The following TPCN2 variants were observed in gnomAD, a reference collection of about 807,000 sequenced individuals.
TPCN2 encodes the protein two pore segment channel 2.
A neutral mutation model predicts 111.4 loss-of-function variants in TPCN2; 92 were observed. That is an observed-to-expected ratio of 0.83 (90% CI 0.70 to 0.98). The LOEUF is 0.98. Ranked by LOEUF, TPCN2 falls within the 50% of genes least tolerant of loss-of-function variation. The pLI, the probability that TPCN2 is intolerant of heterozygous loss-of-function variation, is 0.00. For synonymous variants in TPCN2, 405 were observed against 414.5 expected (o/e 0.98, Z 0.28); for missense variants, 995 against 980.1 (o/e 1.02, Z -0.20).
At chr11:69,072,486 C>T in intron 11 of TPCN2, 141 bp from the exon 12 acceptor site, 3 of 739,614 alleles carry the variant, frequency 4.1e-6, no homozygotes, top group Non-Finnish European at 6.6e-6. Flanking sequence ...ATGCTCGTTA[C>T]AGGGGCTCTT....
At position 69,054,714 on chromosome 11, in the gene TPCN2, C is replaced by T. The variant is rs1320895008; in HGVS notation, c.175-7C>T. 1 of 1,614,098 alleles carries T rather than the reference C, an allele frequency of 6.2e-7. No homozygotes were observed. Among genetic ancestry groups the T allele is most frequent in the Non-Finnish European group, 8.5e-7 (1 of 1,179,938 alleles). On this transcript the variant is annotated splice_polypyrimidine_tract_variant and splice_region_variant and intron_variant, in intron 2 of 24. Coordinates refer to ENST00000294309, the MANE Select transcript of TPCN2 (RefSeq NM_139075.4). ...ATGTCATGCCTCATGTGACTTTTCGCTTGTAGTACCGCTCCATCAACCACC... is the reference window on the plus strand; with the variant it reads ...ATGTCATGCCTCATGTGACTTTTCGTTTGTAGTACCGCTCCATCAACCACC...
rs1046788392 is a variant in TPCN2, at chr11:69,090,311, C to G, written c.*2358C>G. 6.6e-6 allele frequency: 1 copy of G among 152,192 alleles called. No homozygotes were observed. Among genetic ancestry groups the G allele is most frequent in the African/African-American group, 2.4e-5 (1 of 41,418 alleles). 9.4% of individuals were successfully genotyped at this position (152,192 alleles called of 1,614,324 possible). On this transcript the variant is annotated 3_prime_UTR_variant, in exon 25 of 25. Transcript: ENST00000294309. Reference sequence around the variant, plus strand: ...TGTAAGGCCCTTTCTGGGAATGGTTCTCATTCTCCTTAATCTATTATTGGG... The same window carrying G: ...TGTAAGGCCCTTTCTGGGAATGGTTGTCATTCTCCTTAATCTATTATTGGG...
At chr11:69,070,280 C>T (rs552003076) in intron 8 of TPCN2, 150 bp from the exon 9 acceptor site, 2 of 600,588 alleles carry the variant, frequency 3.3e-6, no homozygotes, top group Non-Finnish European at 6.0e-6. Flanking sequence ...CCCGCCTCAG[C>T]CTCCCAAAGT....
At chr11:69,067,466 C>T in intron 7 of TPCN2, 37 bp from the exon 8 acceptor site, 1 of 1,578,948 alleles carries the variant, frequency 6.3e-7, no homozygotes, top group African/African-American at 1.3e-5. Flanking sequence ...GGGGTGGGGA[C>T]CCAGTGGTGC....
intron 16 of TPCN2, 185 bp from the exon 17 acceptor site, chr11:69,079,649 C>G: frequency 3.4e-6 from 2 of 580,716 alleles, no homozygotes; most frequent in Non-Finnish European, 6.1e-6. Context: ...GCCAGGGTGT[C>G]TTTCCAGCTG....
intron 2 of TPCN2, chr11:69,054,493 C>T (rs1854653075): frequency 5.2e-6 from 3 of 578,738 alleles, no homozygotes; most frequent in Non-Finnish European, 9.3e-6. Context: ...TGCTCACGCA[C>T]CCACCCACCC....
At chr11:69,059,905 C>T (rs1294794870) in intron 5 of TPCN2, among the ~76,000 whole-genome samples, 2 of 152,196 alleles carry the variant, frequency 1.3e-5, no homozygotes, top group Non-Finnish European at 2.9e-5. Context: ...CAGGCATAGC[C>T]TCCGTGTCTG....
rs535743881 is a variant in TPCN2, at chr11:69,051,523, C to T, written c.109+2417C>T. On this transcript the variant is annotated intron_variant, in intron 1 of 24. Coordinates refer to ENST00000294309, the MANE Select transcript of TPCN2 (RefSeq NM_139075.4). ...TGGTCAGGACCCTACACAGGTTGTG[C>T]AGCCTGGAGCCTGGAGCAACAGGGG... Among the ~76,000 whole-genome samples, 6 of 152,346 alleles carry T rather than the reference C, an allele frequency of 3.9e-5. No homozygotes were observed. The South Asian group carries it at 1.2e-3, about 32-fold the overall frequency.
At chr11:69,086,692 C>A in intron 23 of TPCN2, 88 bp downstream of exon 23, 1 of 1,327,364 alleles carries the variant, frequency 7.5e-7, no homozygotes, top group Non-Finnish European at 1.1e-6. Flanking sequence ...GCCGGGCCTG[C>A]CTGGAACTTT....
chr11:69,051,653 T>TG (rs1861232814), intron 1 of TPCN2, among the ~76,000 whole-genome samples: 1 of 152,200 alleles, frequency 6.6e-6, no homozygotes, highest in South Asian at 2.1e-4. Flanking sequence ...CTGTCCTCTG[T>TG]GCCTTGCAGA....
At position 69,085,930 on chromosome 11, in the gene TPCN2, C is replaced by A. The variant is rs775361411; in HGVS notation, c.2003C>A (p.Pro668Gln). The change falls in exon 22 of 25, where the codon CCG (proline) becomes CAG (glutamine). Residue 668 changes from proline to glutamine, a missense_variant and splice_region_variant. Transcript: ENST00000294309. ...GATGCATATCGGCGCTACTCAGGCC[C>A]GTGAGTCCTCGTCTCCCTGACGGCA... ...FLDAYRRYSG[P>Q]WSKIYFVLWW... 1 of 1,613,288 alleles carries A rather than the reference C, an allele frequency of 6.2e-7. No individual in the cohort carries two copies. Among genetic ancestry groups the A allele is most frequent in the South Asian group, 1.1e-5 (1 of 90,966 alleles).
intron 7 of TPCN2, 31 bp downstream of exon 7, chr11:69,063,998 G>C (rs1026682733): frequency 7.5e-6 from 12 of 1,605,906 alleles, no homozygotes; most frequent in Non-Finnish European, 1.0e-5. Context: ...GTCTGGGAAT[G>C]GGGCTGCCCT....
At chr11:69,076,325 G>A (rs1040214867) in intron 13 of TPCN2, among the ~76,000 whole-genome samples, 2 of 152,202 alleles carry the variant, frequency 1.3e-5, no homozygotes, top group Non-Finnish European at 1.5e-5. Context: ...AGGCAGTGGC[G>A]TGGTCCTGCC....
At chr11:69,049,231 C>A in intron 1 of TPCN2, 125 bp downstream of exon 1, 1 of 590,602 alleles carries the variant, frequency 1.7e-6, no homozygotes, top group Non-Finnish European at 2.5e-6. Flanking sequence ...CCGAGCGGGG[C>A]CCGGGCCGCG....
Position 69,063,000 on chromosome 11 carries a change from T to C in TPCN2, c.653+10T>C, listed in dbSNP as rs776463245. 6.2e-7 allele frequency: 1 copy of C among 1,612,740 alleles called. No homozygotes were observed. Among genetic ancestry groups the C allele is most frequent in the South Asian group, 1.1e-5 (1 of 91,070 alleles). ...TGCCGGAAATGGCCAGGTGGGCTCTTGGTGCTCTGGGCTCGCAGGGTTGGG... is the reference window on the plus strand; with the variant it reads ...TGCCGGAAATGGCCAGGTGGGCTCTCGGTGCTCTGGGCTCGCAGGGTTGGG... On this transcript the variant is annotated intron_variant, in intron 6 of 24. Coordinates refer to ENST00000294309, the MANE Select transcript of TPCN2 (RefSeq NM_139075.4).
chr11:69,077,486 A>G (rs1855844848), intron 13 of TPCN2, among the ~76,000 whole-genome samples: 3 of 152,208 alleles, frequency 2.0e-5, no homozygotes, highest in Non-Finnish European at 2.9e-5. Flanking sequence ...CAGAGTGCGT[A>G]TCGAGGAGGA....
chr11:69,070,454 ACCGGG>A lies in TPCN2; in HGVS notation c.857_861del (p.Arg286LeufsTer52). The A allele has an allele frequency of 3.7e-6, 6 of 1,612,382 alleles. No homozygotes were observed. Among genetic ancestry groups the A allele is most frequent in the Non-Finnish European group, 5.1e-6 (6 of 1,179,438 alleles). ...GTGATGATTCCTGCGTATTCCAAGAACCGGGCCTATGCCATCTTCTTCATAGTCTT... is the reference window on the plus strand; with the variant it reads ...GTGATGATTCCTGCGTATTCCAAGAACCTATGCCATCTTCTTCATAGTCTT... On this transcript the variant is annotated frameshift_variant, in exon 9 of 25. Transcript: ENST00000294309. LOFTEE classifies it high-confidence loss of function.
At chr11:69,054,128 C>T in intron 2 of TPCN2, 31 bp downstream of exon 2, 1 of 1,601,980 alleles carries the variant, frequency 6.2e-7, no homozygotes, top group Non-Finnish European at 8.5e-7. Context: ...GTGGCCGGGC[C>T]TGGGGGGTGG....
At chr11:69,082,219 G>A (rs927993700) in intron 18 of TPCN2, among the ~76,000 whole-genome samples, 1 of 152,142 alleles carries the variant, frequency 6.6e-6, no homozygotes, top group South Asian at 2.1e-4. Context: ...ACGCGCACAC[G>A]TGTTCACACA....
Sources: gnomAD v4.1 joint callset for allele counts (sites outside exome capture counted in the v4.1 genomes callset) on GRCh38, gnomAD v4.1.1 for gene constraint, MANE v1.5 for transcripts, NCBI Gene and HGNC (gene_info 2026-07-23, HGNC 2026-07-21) for gene names.